Variants in ARL15 observed in about 807,000 individuals in gnomAD.
ARL15 encodes ARF like GTPase 15.
In ARL15, 19 loss-of-function variants were observed where a neutral mutation model predicts 25.2. The ratio of observed to expected loss-of-function variants is 0.75; its 90% CI spans 0.53 to 1.10. ARL15 has a LOEUF of 1.10. ARL15 is among the 50% of genes least tolerant of loss of function. ARL15 has a pLI of 0.00. For synonymous variants in ARL15, 94 were observed against 86.8 expected, an observed-to-expected ratio of 1.08 and a Z score of -0.46; for missense variants, 220 against 246.0, an observed-to-expected ratio of 0.89 and a Z score of 0.71.
intron 3 of ARL15, 62 bp from the exon 4 acceptor site, chr5:54,113,472 C>T (rs570001279): frequency 2.1e-5 from 32 of 1,491,176 alleles, no homozygotes; most frequent in Middle Eastern, 3.5e-4. Context: ...AAAATGTTCC[C>T]AACAGTAATT....
At position 54,175,662 on chromosome 5, in the gene ARL15, T is replaced by C. The variant is rs190829564; in HGVS notation, c.49-3734A>G. Among the ~76,000 whole-genome samples the C allele has an allele frequency of 2.7e-3, 402 of 146,240 alleles. 1 individual carries two copies. The highest frequency in any genetic ancestry group is 9.2e-3 in the African/African-American group (362 of 39,268). ...CTCTTCTCTTTCTTTTTCTCTCTTT[T>C]TTTTTTTTTTAAGACAGTCTGTCTC... On this transcript the variant is annotated intron_variant, in intron 1 of 4. Transcript: ENST00000504924.
intron 4 of ARL15, among the ~76,000 whole-genome samples, chr5:54,000,064 G>A (rs1748803329): frequency 6.6e-6 from 1 of 152,216 alleles, no homozygotes; most frequent in South Asian, 2.1e-4. Context: ...AGTCCATGAG[G>A]GTCTTCCTTA....
intron 4 of ARL15, among the ~76,000 whole-genome samples, chr5:53,966,246 A>G (rs901622862): frequency 6.6e-6 from 1 of 152,142 alleles, no homozygotes; most frequent in Non-Finnish European, 1.5e-5. Flanking sequence ...TAAAAACCCA[A>G]GAGAACAGGG....
intron 4 of ARL15, among the ~76,000 whole-genome samples, chr5:54,105,507 A>T (rs933618148): frequency 1.3e-5 from 2 of 152,212 alleles, no homozygotes; most frequent in Non-Finnish European, 2.9e-5. Flanking sequence ...AAAGTATTAA[A>T]TATAAGAATT....
intron 4 of ARL15, among the ~76,000 whole-genome samples, chr5:53,972,571 T>C (rs1338350354): frequency 6.6e-6 from 1 of 152,172 alleles, no homozygotes; most frequent in African/African-American, 2.4e-5. Context: ...TGTTTCTTTT[T>C]TTGTACGTCA....
chr5:54,298,279 C>A (rs964967340), intron 1 of ARL15, among the ~76,000 whole-genome samples: 3 of 152,084 alleles, frequency 2.0e-5, no homozygotes, highest in Non-Finnish European at 4.4e-5. Context: ...TAGATGGCTA[C>A]AAAGGCTACA....
chr5:54,247,033 T>G (rs1482010659), intron 1 of ARL15, among the ~76,000 whole-genome samples: 2 of 152,198 alleles, frequency 1.3e-5, no homozygotes, highest in Non-Finnish European at 2.9e-5. Context: ...ATGTACATGA[T>G]AAAATCTCTA....
chr5:54,094,705 G>T (rs1323544491), intron 4 of ARL15, among the ~76,000 whole-genome samples: 1 of 152,150 alleles, frequency 6.6e-6, no homozygotes, highest in East Asian at 1.9e-4. Context: ...TTGGAATGCT[G>T]TACAGTGACC....
intron 4 of ARL15, among the ~76,000 whole-genome samples, chr5:54,089,866 C>T (rs990960134): frequency 3.9e-5 from 6 of 152,056 alleles, no homozygotes; most frequent in Non-Finnish European, 5.9e-5. Flanking sequence ...AACCAACATA[C>T]GAATGTATAT....
intron 4 of ARL15, among the ~76,000 whole-genome samples, chr5:53,910,765 T>A (rs1331872459): frequency 6.7e-6 from 1 of 150,320 alleles, no homozygotes; most frequent in Non-Finnish European, 1.5e-5. Flanking sequence ...AGAAAGAATA[T>A]GTCACAGATC....
In ARL15 at chr5:54,014,033, C is replaced by A. The variant is rs540588080; in HGVS notation, c.462+99169G>T. Among the ~76,000 whole-genome samples the A allele has an allele frequency of 2.0e-5, 3 of 152,286 alleles. No individual in the cohort carries two copies. In the East Asian group the frequency reaches 5.8e-4, roughly 29 times the overall value. Reference sequence around the variant, plus strand: ...GTAAGAAGAACCCATTAGGTGATTACAAAATCTGAAATATTTCAAAATCTG... The same window carrying A: ...GTAAGAAGAACCCATTAGGTGATTAAAAAATCTGAAATATTTCAAAATCTG... On this transcript the variant is annotated intron_variant, in intron 4 of 4. Transcript: ENST00000504924.
At chr5:54,171,543 T>C (rs1053324250) in intron 2 of ARL15, among the ~76,000 whole-genome samples, 1 of 152,192 alleles carries the variant, frequency 6.6e-6, no homozygotes, top group Admixed American at 6.5e-5. Flanking sequence ...GTATTAATAT[T>C]TTCCCAAGCT....
chr5:53,937,825 C>CA (rs34514317), intron 4 of ARL15, among the ~76,000 whole-genome samples: 24,619 of 141,598 alleles, frequency 0.17, 2,498 homozygotes, highest in African/African-American at 0.3. Flanking sequence ...TATGAAATGG[C>CA]AAAAAAAAAA....
At chr5:54,071,130 GC>G (rs1751404738) in intron 4 of ARL15, among the ~76,000 whole-genome samples, 1 of 151,104 alleles carries the variant, frequency 6.6e-6, no homozygotes, top group African/African-American at 2.4e-5. Context: ...TGTTCGTGCC[GC>G]TGCACTCTAG....
chr5:54,190,028 T>C (rs1755351044), intron 1 of ARL15, among the ~76,000 whole-genome samples: 1 of 152,114 alleles, frequency 6.6e-6, no homozygotes, highest in African/African-American at 2.4e-5. Flanking sequence ...CCAAAGAAGA[T>C]ATACAAAAGG....
At chr5:54,134,471 G>A (rs529614725) in intron 3 of ARL15, among the ~76,000 whole-genome samples, 5 of 146,956 alleles carry the variant, frequency 3.4e-5, no homozygotes, top group Admixed American at 2.1e-4. Context: ...CACTTCACAC[G>A]TAACTCTACT....
rs559636928 is a variant in ARL15, at chr5:54,084,534, C to A, written c.462+28668G>T. Among the ~76,000 whole-genome samples the A allele has an allele frequency of 2.6e-5, 4 of 152,154 alleles. No individual in the cohort carries two copies. In the East Asian group the frequency reaches 7.7e-4, roughly 29 times the overall value. The stretch of plus-strand genomic sequence containing the variant: ...CACTCTGTCTACCCTTTCTCCTCAA[C>A]GCTGCCCCTCGACATCTCCCTGGGA... On this transcript the variant is annotated intron_variant, in intron 4 of 4. Coordinates refer to ENST00000504924, the MANE Select transcript of ARL15 (RefSeq NM_019087.3).
chr5:54,054,722 G>A (rs893321680), intron 4 of ARL15, among the ~76,000 whole-genome samples: 1 of 152,174 alleles, frequency 6.6e-6, no homozygotes. Context: ...CCCAGAAGGC[G>A]GAGCTTGCAG....
chr5:54,205,287 T>C (rs1160446292), intron 1 of ARL15, among the ~76,000 whole-genome samples: 1 of 152,184 alleles, frequency 6.6e-6, no homozygotes, highest in Non-Finnish European at 1.5e-5. Flanking sequence ...GGTAAAGGCA[T>C]CTGCTCAGAG....
Sources: gnomAD v4.1 joint callset for allele counts (sites outside exome capture counted in the v4.1 genomes callset) on GRCh38, gnomAD v4.1.1 for gene constraint, MANE v1.5 for transcripts, NCBI Gene and HGNC (gene_info 2026-07-23, HGNC 2026-07-21) for gene names.